The following ZNRF3 variants were observed in gnomAD, a reference collection of about 807,000 sequenced individuals.
ZNRF3 encodes zinc and ring finger 3, also known as E3 ubiquitin-protein ligase ZNRF3.
A neutral mutation model predicts 72.5 loss-of-function variants in ZNRF3; 23 were observed. The observed-to-expected ratio is 0.32, with a 90% confidence interval of 0.23 to 0.45. The LOEUF (loss-of-function observed/expected upper bound fraction) is 0.45. ZNRF3 is among the 20% of genes least tolerant of loss of function. The probability of loss-of-function intolerance (pLI) is 1.00; values close to 1 mark genes in which losing one functional copy is unlikely to be tolerated. For missense variants in ZNRF3, 1,169 were observed against 1,272.1 expected (o/e 0.92, Z 1.23); for synonymous variants, 610 against 545.3 (o/e 1.12, Z -1.65).
chr22:28,930,951 A>G (rs544528743), intron 1 of ZNRF3, among the ~76,000 whole-genome samples: 3 of 152,290 alleles, frequency 2.0e-5, no homozygotes, highest in African/African-American at 7.2e-5. Flanking sequence ...CTGGCTTCTC[A>G]GTGATAAACC....
rs538198553 is a variant in ZNRF3, at chr22:28,947,922, G to A, written c.301-39154G>A. Among the ~76,000 whole-genome samples the A allele has an allele frequency of 5.9e-5, 9 of 152,166 alleles. No individual in the cohort carries two copies. In the East Asian group the frequency reaches 1.7e-3, roughly 29 times the overall value. The stretch of plus-strand genomic sequence containing the variant: ...TGCAGTGGCGTGATCTCGACTCACT[G>A]CAATCTCCGCCTCCTGGGTCCAAGT... On this transcript the variant is annotated intron_variant, in intron 1 of 8. Coordinates refer to ENST00000544604, the MANE Select transcript of ZNRF3 (RefSeq NM_001206998.2).
chr22:28,895,124 G>C (rs9306461), intron 1 of ZNRF3, among the ~76,000 whole-genome samples: 10,418 of 152,248 alleles, frequency 0.068, 455 homozygotes, highest in East Asian at 0.12. Flanking sequence ...TGCTTGGCAA[G>C]TCTCTTTTCT....
chr22:29,015,073 A>G (rs2036409712), intron 2 of ZNRF3, among the ~76,000 whole-genome samples: 1 of 152,208 alleles, frequency 6.6e-6, no homozygotes, highest in South Asian at 2.1e-4. Context: ...TATAAGTATT[A>G]GTATCTGCCT....
rs569523052 is a variant in ZNRF3, at chr22:28,914,609, G to C, written c.300+30543G>C. Reference sequence around the variant, plus strand: ...GTGGGAGGATCACCTGAAGTCAGGAGTTTGAGACCAGCCTGACCAACATGG... The same window carrying C: ...GTGGGAGGATCACCTGAAGTCAGGACTTTGAGACCAGCCTGACCAACATGG... On this transcript the variant is annotated intron_variant, in intron 1 of 8. Coordinates refer to ENST00000544604, the MANE Select transcript of ZNRF3 (RefSeq NM_001206998.2). 3.3e-5 allele frequency among the ~76,000 whole-genome samples: 5 copies of C among 151,272 alleles called. No homozygotes were observed. In the South Asian group the frequency reaches 1.0e-3, roughly 32 times the overall value.
chr22:29,020,806 T>C (rs1001116658), intron 2 of ZNRF3, among the ~76,000 whole-genome samples: 3 of 144,692 alleles, frequency 2.1e-5, no homozygotes, highest in Non-Finnish European at 4.6e-5. Flanking sequence ...TGTGTGTGTG[T>C]GTGTGTTTGA....
At chr22:28,951,987 C>T (rs1255980976) in intron 1 of ZNRF3, among the ~76,000 whole-genome samples, 1 of 152,222 alleles carries the variant, frequency 6.6e-6, no homozygotes, top group Non-Finnish European at 1.5e-5. Context: ...TGCTCCTCTT[C>T]CCCGTGGAGC....
intron 2 of ZNRF3, among the ~76,000 whole-genome samples, chr22:29,033,079 G>A (rs2036792601): frequency 1.3e-5 from 2 of 152,216 alleles, no homozygotes; most frequent in South Asian, 4.1e-4. Context: ...GCCGGGTGTG[G>A]TGGCTCAGGC....
At chr22:28,938,021 A>G (rs144352115) in intron 1 of ZNRF3, among the ~76,000 whole-genome samples, 7 of 152,318 alleles carry the variant, frequency 4.6e-5, no homozygotes, top group Admixed American at 3.9e-4. Context: ...CAACATTGAT[A>G]CATTACTGTT....
chr22:29,024,616 A>G (rs977560192), intron 2 of ZNRF3, among the ~76,000 whole-genome samples: 6 of 152,092 alleles, frequency 3.9e-5, no homozygotes, highest in African/African-American at 7.2e-5. Flanking sequence ...CTACTAGAAC[A>G]CCATGAGAAG....
rs2037299390 is a variant in ZNRF3, at chr22:29,056,385, G to A, written c.*2763G>A. On this transcript the variant is annotated 3_prime_UTR_variant, in exon 9 of 9. Transcript: ENST00000544604. ...CAAAGTGCTGGGATTACAGGCGTGA[G>A]CCACCATGCCTGCCCAGCAATACCA... is the stretch of plus-strand genomic sequence containing the variant. 6.6e-6 allele frequency: 1 copy of A among 152,234 alleles called. No homozygotes were observed. The allele number at this position is 152,234 out of a possible 1,614,324, so 9.4% of individuals were successfully genotyped here.
intron 1 of ZNRF3, among the ~76,000 whole-genome samples, chr22:28,911,527 G>A (rs2034317400): frequency 6.6e-6 from 1 of 152,180 alleles, no homozygotes; most frequent in African/African-American, 2.4e-5. Flanking sequence ...TGACAACCTT[G>A]AATTCACTTT....
intron 2 of ZNRF3, among the ~76,000 whole-genome samples, chr22:28,991,577 T>C (rs185620282): frequency 1.7e-4 from 26 of 152,234 alleles, no homozygotes; most frequent in African/African-American, 6.3e-4. Flanking sequence ...ATGGGAAATG[T>C]TGGATGACCA....
Position 29,049,322 on chromosome 22 carries a change from T to C in ZNRF3, c.1141T>C (p.Tyr381His), listed in dbSNP as rs774691033. ...RVHRTNAIPA[Y>H]PTRTSMDSHG... ...GCACAGGACCAACGCCATCCCAGCCTACCCTACGAGGACAAGCATGGACTC... is the reference window on the plus strand; with the variant it reads ...GCACAGGACCAACGCCATCCCAGCCCACCCTACGAGGACAAGCATGGACTC... Residue 381 changes from tyrosine (Y) to histidine (H), a missense_variant, in exon 8 of 9, where the codon TAC becomes CAC. Physicochemically the swap from Tyr to His is moderately conservative, Grantham distance 83 (BLOSUM62 2). Coordinates refer to ENST00000544604, the MANE Select transcript of ZNRF3 (RefSeq NM_001206998.2). This position sits in a 1 kb window ranked among gnomAD's most constrained non-coding sequence, Gnocchi z 5.2. 6.2e-7 allele frequency: 1 copy of C among 1,613,684 alleles called. No homozygotes were observed. Among genetic ancestry groups the C allele is most frequent in the Non-Finnish European group, 8.5e-7 (1 of 1,179,998 alleles).
intron 2 of ZNRF3, among the ~76,000 whole-genome samples, chr22:28,993,581 C>T (rs1026839123): frequency 6.6e-6 from 1 of 152,184 alleles, no homozygotes; most frequent in African/African-American, 2.4e-5. Context: ...AGACAGAGAA[C>T]CGAGTCAAAG....
rs1353146818 is a variant in ZNRF3 at position 29,055,729 on chromosome 22, A to T, written c.*2107A>T. 6.6e-6 allele frequency: 1 copy of T among 152,202 alleles called. No homozygotes were observed. Among genetic ancestry groups the T allele is most frequent in the Non-Finnish European group, 1.5e-5 (1 of 68,072 alleles). The allele number at this position is 152,202 out of a possible 1,614,324, so 9.4% of individuals were successfully genotyped here. A position where few individuals can be genotyped will look rare whatever the true frequency, so the allele number is the denominator to read the frequency against. ...CAGCTTGCATTGCGTGGTTTTAGGG[A>T]AGCAGGGTCTGGCTTTTAATATGAA... On this transcript the variant is annotated 3_prime_UTR_variant, in exon 9 of 9. Coordinates refer to ENST00000544604, the MANE Select transcript of ZNRF3 (RefSeq NM_001206998.2).
chr22:29,020,404 G>A (rs1284669642), intron 2 of ZNRF3, among the ~76,000 whole-genome samples: 1 of 151,702 alleles, frequency 6.6e-6, no homozygotes, highest in African/African-American at 2.4e-5. Flanking sequence ...GGGACTACAG[G>A]TGCATGCCAC....
chr22:29,053,575 C>G lies in ZNRF3; in HGVS notation c.2768-4C>G, dbSNP rs771417722. The G allele has an allele frequency of 8.7e-6, 14 of 1,613,076 alleles. No individual in the cohort carries two copies. The highest frequency in any genetic ancestry group is 1.1e-5 in the Non-Finnish European group (13 of 1,179,572). ...CCCTGATGATTGTTCTCTCTCTTTC[C>G]CAGGACCGAGATCTCACTCAGCAGA... On this transcript the variant is annotated splice_polypyrimidine_tract_variant and splice_region_variant and intron_variant, in intron 8 of 8. Transcript: ENST00000544604.
intron 1 of ZNRF3, among the ~76,000 whole-genome samples, chr22:28,928,034 A>G (rs2034634873): frequency 6.6e-6 from 1 of 152,192 alleles, no homozygotes; most frequent in South Asian, 2.1e-4. Context: ...AGTCAAGACC[A>G]CCATCTCCAG....
intron 1 of ZNRF3, among the ~76,000 whole-genome samples, chr22:28,934,615 C>T (rs1223739337): frequency 1.3e-5 from 2 of 151,984 alleles, no homozygotes; most frequent in Admixed American, 6.6e-5. Context: ...GTCAGGAGTT[C>T]GAGACCAGCC....
Sources: gnomAD v4.1 joint callset for allele counts (sites outside exome capture counted in the v4.1 genomes callset) on GRCh38, gnomAD v4.1.1 for gene constraint, Gnocchi (gnomAD v3.1) non-coding constraint, MANE v1.5 for transcripts, NCBI Gene and HGNC (gene_info 2026-07-23, HGNC 2026-07-21) for gene names.